Variants in HS6ST2 observed in about 807,000 individuals in gnomAD.
HS6ST2 encodes heparan-sulfate 6-O-sulfotransferase 2.
In HS6ST2, 17 loss-of-function variants were observed where a neutral mutation model predicts 33.0. The ratio of observed to expected loss-of-function variants is 0.52; its 90% CI spans 0.35 to 0.77. The LOEUF (loss-of-function observed/expected upper bound fraction) is 0.77. Ranked by LOEUF, HS6ST2 falls within the 30% of genes least tolerant of loss-of-function variation. The pLI is 0.01. For missense variants in HS6ST2, 519 were observed against 551.7 expected, an observed-to-expected ratio of 0.94 and a Z score of 0.59; for synonymous variants, 248 against 237.1, an observed-to-expected ratio of 1.05 and a Z score of -0.42.
intron 2 of HS6ST2, among the ~76,000 whole-genome samples, chrX:132,776,804 A>G (rs2064964293): frequency 9.0e-6 from 1 of 111,274 alleles, no homozygotes; most frequent in Non-Finnish European, 1.9e-5. Flanking sequence ...TCTTAGAACC[A>G]TAGCACATGC....
intron 2 of HS6ST2, among the ~76,000 whole-genome samples, chrX:132,716,406 C>T (rs981550097): frequency 2.7e-5 from 3 of 111,778 alleles, no homozygotes; most frequent in African/African-American, 6.5e-5. Context: ...CAAAGTAAAA[C>T]GAAATAAAAC....
chrX:132,774,956 C>T (rs1348646067), intron 2 of HS6ST2, among the ~76,000 whole-genome samples: 2 of 111,246 alleles, frequency 1.8e-5, no homozygotes, highest in African/African-American at 3.3e-5. Flanking sequence ...GCTGGGATTA[C>T]AAGCGTGAGC....
At chrX:132,886,048 G>T (rs2148446540) in intron 2 of HS6ST2, among the ~76,000 whole-genome samples, 1 of 111,614 alleles carries the variant, frequency 9.0e-6, no homozygotes, top group African/African-American at 3.2e-5. Flanking sequence ...AAACAGAAAA[G>T]TGAGATGTGC....
intron 2 of HS6ST2, among the ~76,000 whole-genome samples, chrX:132,720,631 G>A (rs1191984014): frequency 9.2e-6 from 1 of 109,077 alleles, no homozygotes; most frequent in African/African-American, 3.4e-5. Context: ...GAGTGGCTGA[G>A]TTTATTTAAA....
rs181442156 is a variant in HS6ST2, at chrX:132,630,300, C to G, written c.1068-1207G>C. ...TGCAACTTTTCTGAAATATTCATTC[C>G]CATCTGAGGGAGTGGTTGTTCTCTA... On this transcript the variant is annotated intron_variant, in intron 4 of 4. Coordinates refer to ENST00000370833, the MANE Select transcript of HS6ST2 (RefSeq NM_001394073.1). Among the ~76,000 whole-genome samples, 4 of 112,266 alleles carry G rather than the reference C, an allele frequency of 3.6e-5. No individual in the cohort carries two copies. In the East Asian group the frequency reaches 1.1e-3, roughly 31 times the overall value.
chrX:132,783,056 A>G lies in HS6ST2; in HGVS notation c.948-74562T>C, dbSNP rs890821184. Among the ~76,000 whole-genome samples the G allele has an allele frequency of 2.7e-5, 3 of 112,026 alleles. No individual in the cohort carries two copies. The Admixed American group carries it at 2.8e-4, about 11-fold the overall frequency. ...TCATGAGAGGTGAAGTAAAAGAAGC[A>G]TAACTTCAATTATATGTCAGGTTAA... On this transcript the variant is annotated intron_variant, in intron 2 of 4. Coordinates refer to ENST00000370833, the MANE Select transcript of HS6ST2 (RefSeq NM_001394073.1).
intron 2 of HS6ST2, among the ~76,000 whole-genome samples, chrX:132,788,026 A>C (rs2148339255): frequency 9.0e-6 from 1 of 110,565 alleles, no homozygotes; most frequent in African/African-American, 3.3e-5. Flanking sequence ...GTATTGAATA[A>C]CCTTTGAAGT....
At chrX:132,790,202 C>T (rs1403108357) in intron 2 of HS6ST2, among the ~76,000 whole-genome samples, 17 of 111,652 alleles carry the variant, frequency 1.5e-4, no homozygotes, top group African/African-American at 5.5e-4. Context: ...CCACAGCCAC[C>T]CCAACCTTTA....
intron 2 of HS6ST2, among the ~76,000 whole-genome samples, chrX:132,891,956 A>G (rs924427806): frequency 5.4e-5 from 6 of 111,382 alleles, no homozygotes; most frequent in East Asian, 2.8e-4. Flanking sequence ...CTGAGGAATC[A>G]CCACACTGAC....
rs753204181 is a variant in HS6ST2, at chrX:132,958,426, A to G, written c.177T>C (p.Ser59=). The G allele has an allele frequency of 8.3e-7, 1 of 1,199,301 alleles. No homozygotes were observed. The highest frequency in any genetic ancestry group is 1.1e-6 in the Non-Finnish European group (1 of 891,932). The part of the protein sequence containing the change: ...SVRAGPPRGV[S]HGFHTRPLLD... ...GGAGCGGCCGGGTGTGGAATCCGTG[A>G]GACACACCCCTAGGAGGGCCCGCGC... Residue 59 remains serine (S), a synonymous_variant, in exon 1 of 5, where the codon TCT becomes TCC. Coordinates refer to ENST00000370833, the MANE Select transcript of HS6ST2 (RefSeq NM_001394073.1).
intron 3 of HS6ST2, among the ~76,000 whole-genome samples, chrX:132,680,824 C>A (rs2063963837): frequency 9.1e-6 from 1 of 110,209 alleles, no homozygotes; most frequent in Non-Finnish European, 1.9e-5. Flanking sequence ...GGTGAAAACC[C>A]TGTCTCTACT....
At chrX:132,633,815 G>A (rs762121225) in intron 4 of HS6ST2, among the ~76,000 whole-genome samples, 3 of 111,902 alleles carry the variant, frequency 2.7e-5, no homozygotes, top group South Asian at 3.8e-4. Flanking sequence ...TCAAGGCCCC[G>A]CTATCCTGTT....
At chrX:132,654,832 C>T (rs906516548) in intron 4 of HS6ST2, among the ~76,000 whole-genome samples, 3 of 111,807 alleles carry the variant, frequency 2.7e-5, no homozygotes, top group Non-Finnish European at 3.8e-5. Flanking sequence ...TAAAGAAGTA[C>T]TCCCACTCTT....
chrX:132,869,039 A>G (rs1363773252), intron 2 of HS6ST2, among the ~76,000 whole-genome samples: 1 of 110,804 alleles, frequency 9.0e-6, no homozygotes, highest in Admixed American at 9.6e-5. Context: ...GGCTAGCCAG[A>G]CTAATAAAGA....
chrX:132,905,054 T>C (rs2066459116), intron 2 of HS6ST2, among the ~76,000 whole-genome samples: 1 of 111,998 alleles, frequency 8.9e-6, no homozygotes, highest in South Asian at 3.7e-4. Flanking sequence ...TAGTACTTAA[T>C]GGTCTTTCCC....
At chrX:132,842,418 T>G (rs918925780) in intron 2 of HS6ST2, among the ~76,000 whole-genome samples, 2 of 112,341 alleles carry the variant, frequency 1.8e-5, no homozygotes. Flanking sequence ...CCCCTAAATA[T>G]GTTAACTCGA....
intron 2 of HS6ST2, among the ~76,000 whole-genome samples, chrX:132,883,878 C>T (rs762747934): frequency 8.9e-6 from 1 of 112,000 alleles, no homozygotes; most frequent in Non-Finnish European, 1.9e-5. Flanking sequence ...TGGTCCAGAC[C>T]AGGACATTCT....
At chrX:132,854,439 C>T (rs1398297314) in intron 2 of HS6ST2, among the ~76,000 whole-genome samples, 2 of 112,595 alleles carry the variant, frequency 1.8e-5, no homozygotes, top group African/African-American at 6.4e-5. Context: ...GGATAAGCAT[C>T]TGTACTTCAA....
intron 2 of HS6ST2, among the ~76,000 whole-genome samples, chrX:132,932,208 A>T (rs1449563649): frequency 9.3e-6 from 1 of 108,026 alleles, no homozygotes; most frequent in Non-Finnish European, 1.9e-5. Context: ...AAAATACCCC[A>T]GCAAAAGTGT....
Sources: allele counts gnomAD v4.1 joint callset (sites outside exome capture counted in the v4.1 genomes callset), GRCh38; gene constraint gnomAD v4.1.1; transcripts MANE v1.5; gene names NCBI Gene and HGNC (gene_info 2026-07-23, HGNC 2026-07-21).